Variants in NAV1 observed in about 807,000 individuals in gnomAD.
The protein encoded by NAV1 is neuron navigator 1.
NAV1 carries 18 observed loss-of-function variants against 175.2 expected under a neutral mutation model. That is an observed-to-expected ratio of 0.10 (90% CI 0.07 to 0.15). NAV1 has a LOEUF of 0.15. Among genes scored for constraint, NAV1 ranks in the 10% least tolerant of loss-of-function variants. NAV1 has a pLI of 1.00. For missense variants in NAV1, 1,731 were observed against 2,436.6 expected (o/e 0.71, Z 6.10); for synonymous variants, 897 against 978.7 (o/e 0.92, Z 1.56).
intron 1 of NAV1, among the ~76,000 whole-genome samples, chr1:201,557,480 G>T (rs1241065574): frequency 1.3e-5 from 2 of 152,180 alleles, no homozygotes; most frequent in East Asian, 3.9e-4. Context: ...TTACAAAGCT[G>T]CACTGTGGCC....
chr1:201,825,061 T>C (rs1449106487), exon 30 of NAV1: 5 of 152,234 alleles, frequency 3.3e-5, no homozygotes, highest in Non-Finnish European at 5.9e-5. Flanking sequence ...AAAGTCACCT[T>C]TCTCATGCTT....
chr1:201,609,961 A>G (rs1260553991), intron 2 of NAV1, among the ~76,000 whole-genome samples: 1 of 152,124 alleles, frequency 6.6e-6, no homozygotes, highest in African/African-American at 2.4e-5. Context: ...TTAGAACTCT[A>G]AGCTCTGATT....
At position 201,611,064 on chromosome 1, in the gene NAV1, C is replaced by T. The variant is rs180997550; in HGVS notation, c.-32-11789C>T. On this transcript the variant is annotated intron_variant, in intron 2 of 33. Transcript: ENST00000685211. ...GCGCTGGGGATACTGAGCCCCACCC[C>T]CTCTGCTAACAAGTCCCAGCCAGTA... Among the ~76,000 whole-genome samples the T allele has an allele frequency of 1.8e-3, 273 of 152,298 alleles. 4 individuals are homozygous for T. Among genetic ancestry groups the T allele is most frequent in the Admixed American group, 0.017 (260 of 15,296 alleles).
chr1:201,612,985 G>C (rs1427391891), intron 2 of NAV1, among the ~76,000 whole-genome samples: 5 of 152,102 alleles, frequency 3.3e-5, no homozygotes, highest in African/African-American at 7.2e-5. Context: ...ATTTGGCCCT[G>C]GGAGGAACTA....
At chr1:201,591,213 C>T (rs895455976) in intron 2 of NAV1, among the ~76,000 whole-genome samples, 2 of 152,096 alleles carry the variant, frequency 1.3e-5, no homozygotes, top group African/African-American at 4.8e-5. Flanking sequence ...GTCAAAGATC[C>T]CTAAGGCGTC....
intron 3 of NAV1, among the ~76,000 whole-genome samples, chr1:201,767,111 G>C (rs540933478): frequency 2.0e-5 from 3 of 150,478 alleles, no homozygotes; most frequent in South Asian, 2.2e-4. Context: ...GAGCCACCGC[G>C]CCTGGCCCAC....
At chr1:201,783,164 T>C (rs540002631) in intron 6 of NAV1, among the ~76,000 whole-genome samples, 4 of 152,342 alleles carry the variant, frequency 2.6e-5, no homozygotes, top group African/African-American at 7.2e-5. Flanking sequence ...TACACATATA[T>C]ACCTATTTGC....
intron 2 of NAV1, among the ~76,000 whole-genome samples, chr1:201,715,690 A>G (rs1672111140): frequency 6.6e-6 from 1 of 152,212 alleles, no homozygotes; most frequent in Admixed American, 6.5e-5. Flanking sequence ...AACACACACA[A>G]GCTTCATCCT....
chr1:201,807,852 C>T lies in NAV1; in HGVS notation c.3649-101C>T. 1 of 1,151,130 alleles carries T rather than the reference C, an allele frequency of 8.7e-7. No individual in the cohort carries two copies. Among genetic ancestry groups the T allele is most frequent in the African/African-American group, 1.5e-5 (1 of 64,938 alleles). The allele number at this position is 1,151,130 out of a possible 1,614,324, so 71.3% of individuals were successfully genotyped here. A position where few individuals can be genotyped will look rare whatever the true frequency, so the allele number is the denominator to read the frequency against. ...AGGGTGGCTTAATTAAAGTAAATCCCCCGCCTCCAGCTCTCTCTGTCTCAG... is the reference window on the plus strand; with the variant it reads ...AGGGTGGCTTAATTAAAGTAAATCCTCCGCCTCCAGCTCTCTCTGTCTCAG... On this transcript the variant is annotated intron_variant, in intron 17 of 29. Transcript: ENST00000367296. This position sits in a 1 kb window ranked among gnomAD's most constrained non-coding sequence, Gnocchi z 5.4.
chr1:201,648,752 G>T, exon 1 of NAV1: 1 of 1,403,836 alleles, frequency 7.1e-7, no homozygotes. Context: ...ACGAACCGCG[G>T]GGCGCCGGCA....
exon 1 of NAV1, chr1:201,648,472 C>T (rs1432823120): frequency 3.3e-5 from 40 of 1,213,588 alleles, no homozygotes; most frequent in Middle Eastern, 3.2e-4. Flanking sequence ...CCTCGCGTTT[C>T]TTTCCCCTGC....
At chr1:201,767,446 G>A (rs947808070) in intron 3 of NAV1, among the ~76,000 whole-genome samples, 10 of 139,452 alleles carry the variant, frequency 7.2e-5, no homozygotes, top group South Asian at 4.8e-4. Context: ...GCGAGACTCC[G>A]CCTCAAAAAA....
chr1:201,706,834 A>G (rs573936341), intron 1 of NAV1, among the ~76,000 whole-genome samples: 187 of 152,344 alleles, frequency 1.2e-3, no homozygotes, highest in African/African-American at 4.3e-3. Flanking sequence ...GTCAGCCAAT[A>G]ATTAAAATTT....
At chr1:201,608,638 C>T (rs1167508701) in intron 2 of NAV1, among the ~76,000 whole-genome samples, 2 of 152,200 alleles carry the variant, frequency 1.3e-5, no homozygotes, top group Non-Finnish European at 2.9e-5. Flanking sequence ...CTGTCAGCCT[C>T]CTGGTGTCTG....
chr1:201,656,596 G>C (rs533807266), intron 1 of NAV1, among the ~76,000 whole-genome samples: 1 of 152,320 alleles, frequency 6.6e-6, no homozygotes, highest in African/African-American at 2.4e-5. Flanking sequence ...AGGTTGTATG[G>C]CACATGGCAC....
At position 201,782,635 on chromosome 1, in the gene NAV1, G is replaced by T; in HGVS notation, c.2123G>T (p.Gly708Val). Reference sequence around the variant, plus strand: ...CCCAGTCTCCTCAGCACCAAGCAGGGAGGCCTTACGCCTTCCAGACTGAAG... The same window carrying T: ...CCCAGTCTCCTCAGCACCAAGCAGGTAGGCCTTACGCCTTCCAGACTGAAG... The change falls in exon 6 of 30, where the codon GGA becomes GTA. Residue 708 changes from glycine to valine, a missense_variant. Transcript: ENST00000367296. This position sits in a 1 kb window ranked among gnomAD's most constrained non-coding sequence, Gnocchi z 5.4. 8 of 1,614,124 alleles carry T rather than the reference G, an allele frequency of 5.0e-6. No individual in the cohort carries two copies. The highest frequency in any genetic ancestry group is 5.9e-6 in the Non-Finnish European group (7 of 1,180,024).
At chr1:201,770,802 G>C (rs506171) in intron 3 of NAV1, among the ~76,000 whole-genome samples, 71,356 of 151,870 alleles carry the variant, frequency 0.47, 17,081 homozygotes, top group African/African-American at 0.56. Context: ...TCTCATGAGG[G>C]CTTCACTGAG....
At chr1:201,646,243 C>G (rs951316545), upstream of NAV1, among the ~76,000 whole-genome samples, 7 of 152,198 alleles carry the variant, frequency 4.6e-5, no homozygotes, top group African/African-American at 7.2e-5. Flanking sequence ...AACCACGAAC[C>G]CTAGTTCCAC....
chr1:201,820,133 G>A (rs1679302992), exon 30 of NAV1: 5 of 550,576 alleles, frequency 9.1e-6, no homozygotes, highest in South Asian at 7.0e-5. Context: ...GTGGGGTGGC[G>A]TTTGGGAACT....
Sources: gnomAD v4.1 joint callset for allele counts (sites outside exome capture counted in the v4.1 genomes callset) on GRCh38, gnomAD v4.1.1 for gene constraint, Gnocchi (gnomAD v3.1) non-coding constraint, MANE v1.5 for transcripts, NCBI Gene and HGNC (gene_info 2026-07-23, HGNC 2026-07-21) for gene names.